Variants in SUPT16H observed in about 807,000 individuals in gnomAD.
SUPT16H encodes SPT16 homolog, facilitates chromatin remodeling subunit.
In SUPT16H, 24 loss-of-function variants were observed where a neutral mutation model predicts 136.2. The observed-to-expected ratio is 0.18, with a 90% confidence interval of 0.13 to 0.25. The LOEUF is 0.25. Among genes scored for constraint, SUPT16H ranks in the 10% least tolerant of loss-of-function variants. The pLI is 1.00. For missense variants in SUPT16H, 623 were observed against 1,270.2 expected (o/e 0.49, Z 7.74); for synonymous variants, 415 against 428.2 (o/e 0.97, Z 0.38).
At chr14:21,370,866 C>G (rs1195560860) in intron 3 of SUPT16H, among the ~76,000 whole-genome samples, 1 of 151,914 alleles carries the variant, frequency 6.6e-6, no homozygotes, top group Non-Finnish European at 1.5e-5. Flanking sequence ...ACCTCAGCCT[C>G]CCGGGTTCAA....
At chr14:21,363,959 G>A (rs771690726) in intron 10 of SUPT16H, among the ~76,000 whole-genome samples, 23 of 152,088 alleles carry the variant, frequency 1.5e-4, no homozygotes, top group African/African-American at 5.3e-4. Flanking sequence ...GATTACACGC[G>A]TGAGCCACTG....
chr14:21,360,809 G>A (rs769418193), intron 17 of SUPT16H, 37 bp downstream of exon 17: 1 of 1,587,272 alleles, frequency 6.3e-7, no homozygotes, highest in South Asian at 1.2e-5. Context: ...AATGTGCCCT[G>A]AAGAGAAAGC....
Position 21,358,307 on chromosome 14 carries a change from T to C in SUPT16H, c.2414+8A>G, listed in dbSNP as rs181933677. 52 of 1,566,582 alleles carry C rather than the reference T, an allele frequency of 3.3e-5. No homozygotes were observed. Among genetic ancestry groups the C allele is most frequent in the Non-Finnish European group, 4.2e-5 (48 of 1,149,630 alleles). ...GTCAAACTTCAAGCCAAAAATAAGATAGGTTACCCCAAGTCCCTAAAAGGC... is the reference window on the plus strand; with the variant it reads ...GTCAAACTTCAAGCCAAAAATAAGACAGGTTACCCCAAGTCCCTAAAAGGC... On this transcript the variant is annotated splice_region_variant and intron_variant, in intron 20 of 25. Transcript: ENST00000216297.
intron 2 of SUPT16H, 185 bp from the exon 3 acceptor site, chr14:21,372,229 G>C (rs867017367): frequency 5.1e-6 from 3 of 591,622 alleles, no homozygotes; most frequent in African/African-American, 1.9e-5. Flanking sequence ...CAATTTATTA[G>C]AACAGGACAA....
intron 22 of SUPT16H, among the ~76,000 whole-genome samples, chr14:21,356,897 G>A (rs184862822): frequency 1.8e-3 from 281 of 152,354 alleles, no homozygotes; most frequent in African/African-American, 6.3e-3. Flanking sequence ...GGAGACCGAC[G>A]TGGGAGGATC....
At chr14:21,373,518 T>A in intron 1 of SUPT16H, 88 bp from the exon 2 acceptor site, 2 of 978,238 alleles carry the variant, frequency 2.0e-6, no homozygotes, top group Middle Eastern at 2.1e-4. Flanking sequence ...CAGGCATAAT[T>A]TTCTCCTGAT....
rs201242984 is a variant in SUPT16H, at chr14:21,382,347, C to CA, written c.66+1514dup. Among the ~76,000 whole-genome samples, 1,489 of 150,076 alleles carry CA rather than the reference C, an allele frequency of 9.9e-3. 27 individuals are homozygous for CA. The highest frequency in any genetic ancestry group is 0.033 in the African/African-American group (1,370 of 40,968). The stretch of plus-strand genomic sequence containing the variant: ...ATAAACTTTAAAGATTTTTGAGATA[C>CA]AAAAAAAAATGGTGGGTGGGAAATA... On this transcript the variant is annotated intron_variant, in intron 1 of 25. Coordinates refer to ENST00000216297, the MANE Select transcript of SUPT16H (RefSeq NM_007192.4).
rs1246806562 is a variant in SUPT16H at position 21,351,532 on chromosome 14, A to G, written c.*1141T>C. The G allele has an allele frequency of 1.8e-5, 4 of 216,688 alleles. No homozygotes were observed. Among genetic ancestry groups the G allele is most frequent in the Admixed American group, 1.1e-4 (2 of 17,634 alleles). 13.4% of individuals were successfully genotyped at this position (216,688 alleles called of 1,614,324 possible). On this transcript the variant is annotated 3_prime_UTR_variant, in exon 26 of 26. Coordinates refer to ENST00000216297, the MANE Select transcript of SUPT16H (RefSeq NM_007192.4). ...TTTATTCATCTTTTAGTTCTTCCAA[A>G]ATTGAAAATATCAAGTCCTACTGCT...
intron 18 of SUPT16H, 87 bp downstream of exon 18, chr14:21,360,328 C>CT (rs1228210279): frequency 3.6e-6 from 4 of 1,112,988 alleles, no homozygotes; most frequent in Non-Finnish European, 3.9e-6. Context: ...GCGCCCAGCC[C>CT]TTTCATCACT....
At chr14:21,365,415 T>C (rs1443052354) in intron 8 of SUPT16H, among the ~76,000 whole-genome samples, 1 of 152,178 alleles carries the variant, frequency 6.6e-6, no homozygotes, top group Non-Finnish European at 1.5e-5. Context: ...TTTAACCTTC[T>C]ACCATAAAAT....
chr14:21,368,476 C>T (rs753144193), intron 6 of SUPT16H, 35 bp from the exon 7 acceptor site: 131 of 1,570,142 alleles, frequency 8.3e-5, no homozygotes, highest in Non-Finnish European at 1.1e-4. Context: ...CATTTCATTA[C>T]CAAAACTAGC....
chr14:21,358,060 AACAG>A, intron 20 of SUPT16H, 58 bp from the exon 21 acceptor site: 3 of 1,471,464 alleles, frequency 2.0e-6, no homozygotes, highest in Non-Finnish European at 2.8e-6. Flanking sequence ...CTCCTACCAC[AACAG>A]ACAAACTTCT....
chr14:21,377,670 T>A (rs1422963279), intron 1 of SUPT16H, among the ~76,000 whole-genome samples: 1 of 151,686 alleles, frequency 6.6e-6, no homozygotes, highest in Non-Finnish European at 1.5e-5. Context: ...GTTGCCCAGG[T>A]TGGAGTGCAA....
intron 8 of SUPT16H, among the ~76,000 whole-genome samples, chr14:21,365,865 G>T (rs1886655223): frequency 6.6e-6 from 1 of 152,160 alleles, no homozygotes; most frequent in Non-Finnish European, 1.5e-5. Flanking sequence ...CACTTTGGGA[G>T]ATCAAGGTGG....
chr14:21,366,425 A>G lies in SUPT16H; in HGVS notation c.1046+14T>C, dbSNP rs1947661332. ...AAAACTGACTCAAGAATGACAATAG[A>G]CATCATGGCATACCCTAGGTTTTTG... On this transcript the variant is annotated intron_variant, in intron 8 of 25. Transcript: ENST00000216297. 6.2e-7 allele frequency: 1 copy of G among 1,611,886 alleles called. No individual in the cohort carries two copies.
chr14:21,382,795 A>C (rs1298575402), intron 1 of SUPT16H, among the ~76,000 whole-genome samples: 1 of 152,204 alleles, frequency 6.6e-6, no homozygotes, highest in Non-Finnish European at 1.5e-5. Context: ...AAAATGCAAG[A>C]GAATCAATTT....
Position 21,375,371 on chromosome 14 carries a change from A to T in SUPT16H, c.67-1941T>A, listed in dbSNP as rs375985799. Among the ~76,000 whole-genome samples the T allele has an allele frequency of 6.6e-5, 10 of 150,456 alleles. No homozygotes were observed. In the East Asian group the frequency reaches 1.9e-3, roughly 29 times the overall value. On this transcript the variant is annotated intron_variant, in intron 1 of 25. Coordinates refer to ENST00000216297, the MANE Select transcript of SUPT16H (RefSeq NM_007192.4). ...AGCTAATGACGCTGAGCATCATTTC[A>T]TATGTTTACTGACAACTGTATGCCT...
At chr14:21,360,584 A>G in intron 17 of SUPT16H, 51 bp from the exon 18 acceptor site, 2 of 1,473,114 alleles carry the variant, frequency 1.4e-6, no homozygotes, top group Non-Finnish European at 1.9e-6. Context: ...GTTAGGCCAA[A>G]AGGCACTGCA....
intron 22 of SUPT16H, among the ~76,000 whole-genome samples, chr14:21,356,405 A>T (rs1886435072): frequency 6.6e-6 from 1 of 152,208 alleles, no homozygotes; most frequent in Non-Finnish European, 1.5e-5. Flanking sequence ...TCCACAGGGC[A>T]TCAGGCAGAC....
Sources: allele counts gnomAD v4.1 joint callset (sites outside exome capture counted in the v4.1 genomes callset), GRCh38; gene constraint gnomAD v4.1.1; transcripts MANE v1.5; gene names NCBI Gene and HGNC (gene_info 2026-07-23, HGNC 2026-07-21).